NOS1: variants seen among roughly 807,000 people sequenced by gnomAD.
NOS1 encodes NOS type I.
A neutral mutation model predicts 164.5 loss-of-function variants in NOS1; 51 were observed. The observed-to-expected ratio is 0.31, with a 90% CI of 0.25 to 0.39. The LOEUF (loss-of-function observed/expected upper bound fraction) is 0.39. NOS1 is among the 10% of genes least tolerant of loss of function. The pLI, the probability that NOS1 is intolerant of heterozygous loss-of-function variation, is 1.00. For synonymous variants in NOS1, 719 were observed against 745.8 expected (o/e 0.96, Z 0.59); for missense variants, 1,362 against 1,885.6 (o/e 0.72, Z 5.14).
intron 9 of NOS1, among the ~76,000 whole-genome samples, chr12:117,275,889 G>A (rs992554462): frequency 8.6e-5 from 13 of 151,950 alleles, no homozygotes; most frequent in Non-Finnish European, 1.8e-4. Flanking sequence ...TTCATTCCCA[G>A]GTTTGAGTCT....
intron 1 of NOS1, among the ~76,000 whole-genome samples, chr12:117,340,158 C>T (rs910189769): frequency 2.0e-5 from 3 of 152,130 alleles, no homozygotes; most frequent in Admixed American, 1.3e-4. Flanking sequence ...CACACACCAC[C>T]GTGACTGGCT....
intron 3 of NOS1, among the ~76,000 whole-genome samples, chr12:117,295,381 T>C (rs112629044): frequency 0.022 from 3,375 of 152,290 alleles, 137 homozygotes; most frequent in African/African-American, 0.077. Flanking sequence ...TAAAATTTCA[T>C]TGGGGCTCAT....
intron 22 of NOS1, among the ~76,000 whole-genome samples, chr12:117,230,651 T>C (rs917534505): frequency 2.0e-5 from 3 of 152,196 alleles, no homozygotes; most frequent in African/African-American, 7.2e-5. Flanking sequence ...AGAATTTTTA[T>C]TGAGCAAGGC....
chr12:117,297,319 G>A (rs1873483489), intron 3 of NOS1, among the ~76,000 whole-genome samples: 1 of 152,190 alleles, frequency 6.6e-6, no homozygotes, highest in African/African-American at 2.4e-5. Flanking sequence ...CTCTGGAAGT[G>A]GAACTGAGAG....
chr12:117,251,607 T>C (rs1366513813), intron 17 of NOS1, among the ~76,000 whole-genome samples: 1 of 151,994 alleles, frequency 6.6e-6, no homozygotes, highest in African/African-American at 2.4e-5. Context: ...TTTTTTTTTT[T>C]TTTTGTAGAC....
intron 8 of NOS1, among the ~76,000 whole-genome samples, chr12:117,280,393 A>G (rs1485694814): frequency 6.6e-6 from 1 of 151,950 alleles, no homozygotes; most frequent in Non-Finnish European, 1.5e-5. Flanking sequence ...GAGGCAGGAG[A>G]TTTGGACTGT....
intron 3 of NOS1, among the ~76,000 whole-genome samples, chr12:117,299,352 T>C (rs989878415): frequency 1.3e-5 from 2 of 152,096 alleles, no homozygotes; most frequent in African/African-American, 4.8e-5. Context: ...AAACTTGACA[T>C]TGCTGGCCGG....
intron 20 of NOS1, among the ~76,000 whole-genome samples, chr12:117,235,170 G>A (rs1566032182): frequency 6.6e-6 from 1 of 151,888 alleles, no homozygotes; most frequent in Non-Finnish European, 1.5e-5. Context: ...TTCCCACCTC[G>A]GCCTTCCAAA....
At chr12:117,232,385 T>C (rs1340686755) in intron 21 of NOS1, among the ~76,000 whole-genome samples, 1 of 151,956 alleles carries the variant, frequency 6.6e-6, no homozygotes, top group Non-Finnish European at 1.5e-5. Flanking sequence ...AATACTAAAA[T>C]AGCATGACAG....
intron 3 of NOS1, among the ~76,000 whole-genome samples, chr12:117,296,879 G>A (rs949575950): frequency 3.9e-5 from 6 of 152,206 alleles, no homozygotes; most frequent in Non-Finnish European, 7.3e-5. Context: ...TCTGCCATGT[G>A]AGGACACAGA....
intron 27 of NOS1, among the ~76,000 whole-genome samples, chr12:117,219,796 A>G (rs1956672148): frequency 6.6e-6 from 1 of 152,100 alleles, no homozygotes; most frequent in Non-Finnish European, 1.5e-5. Flanking sequence ...GTTAGGTTAG[A>G]ATGGTTTCTG....
chr12:117,309,158 A>C (rs1874305452), intron 3 of NOS1, among the ~76,000 whole-genome samples: 1 of 152,206 alleles, frequency 6.6e-6, no homozygotes, highest in South Asian at 2.1e-4. Context: ...ATATTTGTTC[A>C]TTTAATCATG....
At chr12:117,258,865 G>A (rs933015609) in intron 15 of NOS1, among the ~76,000 whole-genome samples, 161 bp downstream of exon 15, 1 of 152,192 alleles carries the variant, frequency 6.6e-6, no homozygotes, top group Non-Finnish European at 1.5e-5. Flanking sequence ...ACTTGGAATT[G>A]TCCAACCTTT....
chr12:117,313,627 T>A (rs1874540826), intron 2 of NOS1, among the ~76,000 whole-genome samples: 1 of 152,128 alleles, frequency 6.6e-6, no homozygotes, highest in Admixed American at 6.5e-5. Context: ...TAAGTTTTCC[T>A]GGCTTCCTGT....
At chr12:117,262,400 T>G (rs1006148494) in intron 13 of NOS1, among the ~76,000 whole-genome samples, 20 of 88,284 alleles carry the variant, frequency 2.3e-4, no homozygotes, top group East Asian at 6.3e-4. Context: ...GGGATTAGGG[T>G]GGAAGGAGAG....
At chr12:117,269,462 T>TAG (rs1398716880) in intron 10 of NOS1, among the ~76,000 whole-genome samples, 24 of 125,896 alleles carry the variant, frequency 1.9e-4, no homozygotes, top group Non-Finnish European at 2.9e-4. Flanking sequence ...CTCTGGAGAT[T>TAG]TGTTTTTTTT....
chr12:117,212,750 G>T lies in NOS1; in HGVS notation c.*2559C>A, dbSNP rs1592915089. 2 of 985,432 alleles carry T rather than the reference G, an allele frequency of 2.0e-6. No individual in the cohort carries two copies. The highest frequency in any genetic ancestry group is 1.1e-4 in the East Asian group (1 of 8,810). 61.0% of individuals were successfully genotyped at this position (985,432 alleles called of 1,614,324 possible). On this transcript the variant is annotated 3_prime_UTR_variant, in exon 29 of 29. Transcript: ENST00000317775. Reference sequence around the variant, plus strand: ...ACTTAAACGGTTGGCTACGAGGCCTGGATGAAAAGCCACCACGAGAGGGCA... The same window carrying T: ...ACTTAAACGGTTGGCTACGAGGCCTTGATGAAAAGCCACCACGAGAGGGCA...
chr12:117,359,920 ATATATATATATAT>A (rs2136102035), intron 1 of NOS1, among the ~76,000 whole-genome samples: 1 of 73,678 alleles, frequency 1.4e-5, no homozygotes, highest in African/African-American at 5.9e-5. Flanking sequence ...ATATATATAT[ATATATATATATAT>A]ATCAGCAACA....
At chr12:117,241,374 G>A (rs1420977045) in intron 20 of NOS1, among the ~76,000 whole-genome samples, 1 of 151,318 alleles carries the variant, frequency 6.6e-6, no homozygotes, top group Non-Finnish European at 1.5e-5. Flanking sequence ...AATATGCTTG[G>A]TTCACCGGGT....
Sources: gnomAD v4.1 joint callset for allele counts (sites outside exome capture counted in the v4.1 genomes callset) on GRCh38, gnomAD v4.1.1 for gene constraint, MANE v1.5 for transcripts, NCBI Gene and HGNC (gene_info 2026-07-23, HGNC 2026-07-21) for gene names.